BCKDHB: variants seen among roughly 807,000 people sequenced by gnomAD.
The protein encoded by BCKDHB is branched chain keto acid dehydrogenase E1 subunit beta, also known as 2-oxoisovalerate dehydrogenase subunit beta, mitochondrial.
BCKDHB carries 41 observed loss-of-function variants against 48.5 expected under a neutral mutation model. The ratio of observed to expected loss-of-function variants is 0.85; its 90% CI spans 0.66 to 1.10. The LOEUF is 1.10. Ranked by LOEUF, BCKDHB falls within the 50% of genes least tolerant of loss-of-function variation. The pLI is 0.00. For missense variants in BCKDHB, 496 were observed against 494.2 expected, an observed-to-expected ratio of 1.00 and a Z score of -0.03; for synonymous variants, 201 against 174.8, an observed-to-expected ratio of 1.15 and a Z score of -1.18.
intron 3 of BCKDHB, among the ~76,000 whole-genome samples, chr6:80,154,637 T>C (rs1334025481): frequency 1.3e-5 from 2 of 152,160 alleles, no homozygotes; most frequent in East Asian, 3.9e-4. Flanking sequence ...ATTTTAGGTA[T>C]CAAAATTATT....
the BCKDHB span, among the ~76,000 whole-genome samples, chr6:80,406,363 A>G: frequency 6.6e-6 from 1 of 152,220 alleles, no homozygotes; most frequent in East Asian, 1.9e-4. Flanking sequence ...GCCCTTGGGT[A>G]TATACCCAGT....
At chr6:80,422,364 G>T in the BCKDHB span, among the ~76,000 whole-genome samples, 1 of 152,200 alleles carries the variant, frequency 6.6e-6, no homozygotes, top group Non-Finnish European at 1.5e-5. Flanking sequence ...TCTGTTGCAG[G>T]AGTGGGGCCC....
the BCKDHB span, among the ~76,000 whole-genome samples, chr6:80,367,246 T>A: frequency 2.0e-5 from 3 of 152,234 alleles, no homozygotes; most frequent in South Asian, 6.2e-4. Flanking sequence ...ATTTGCTATT[T>A]AACATAATTC....
At chr6:80,254,021 A>G (rs1776946248) in intron 8 of BCKDHB, among the ~76,000 whole-genome samples, 1 of 151,958 alleles carries the variant, frequency 6.6e-6, no homozygotes, top group Admixed American at 6.6e-5. Context: ...CAAAATAACT[A>G]TCTAGAATGT....
Position 80,343,957 on chromosome 6 carries a change from C to CT in BCKDHB, c.*156dup. Reference sequence around the variant, plus strand: ...GCAACTTTCAGAAGAAAATAATGTGCTTTAGAAAAAAAATTCAAATTTATA... The same window carrying CT: ...GCAACTTTCAGAAGAAAATAATGTGCTTTTAGAAAAAAAATTCAAATTTATA... On this transcript the variant is annotated 3_prime_UTR_variant, in exon 10 of 10. Transcript: ENST00000320393. 1.0e-6 allele frequency: 1 copy of CT among 964,654 alleles called. No homozygotes were observed. Among genetic ancestry groups the CT allele is most frequent in the Non-Finnish European group, 1.6e-6 (1 of 627,976 alleles). 59.8% of individuals were successfully genotyped at this position (964,654 alleles called of 1,614,324 possible).
intron 4 of BCKDHB, 31 bp downstream of exon 4, chr6:80,167,842 A>G (rs1772655659): frequency 1.2e-6 from 2 of 1,605,892 alleles, no homozygotes; most frequent in South Asian, 1.1e-5. Flanking sequence ...AAGGTTGTTC[A>G]TTCATTGAAA....
At chr6:80,360,406 C>T in the BCKDHB span, among the ~76,000 whole-genome samples, 62,177 of 151,986 alleles carry the variant, frequency 0.41, 13,489 homozygotes, top group East Asian at 0.56. Flanking sequence ...TATTCATCAC[C>T]GTGCACAAGA....
At chr6:80,271,126 G>A (rs1029768869) in intron 8 of BCKDHB, among the ~76,000 whole-genome samples, 6 of 152,008 alleles carry the variant, frequency 3.9e-5, no homozygotes, top group African/African-American at 1.2e-4. Flanking sequence ...ATGTTGGCTC[G>A]ATGTACATGT....
At chr6:80,365,365 G>A in the BCKDHB span, among the ~76,000 whole-genome samples, 1,538 of 152,242 alleles carry the variant, frequency 0.01, 26 homozygotes, top group African/African-American at 0.034. Context: ...AGACCAGGGT[G>A]TAGCTCAGTC....
chr6:80,165,460 A>G (rs1298579349), intron 3 of BCKDHB, among the ~76,000 whole-genome samples: 4 of 152,172 alleles, frequency 2.6e-5, no homozygotes, highest in Non-Finnish European at 5.9e-5. Context: ...TTTCGTTCAT[A>G]TTCAAAGGAA....
intron 8 of BCKDHB, among the ~76,000 whole-genome samples, chr6:80,235,091 A>G (rs1368812775): frequency 6.6e-6 from 1 of 152,202 alleles, no homozygotes; most frequent in African/African-American, 2.4e-5. Context: ...TCTAGTGTCC[A>G]GTAACACAGT....
At chr6:80,171,813 G>A (rs895507106) in intron 6 of BCKDHB, among the ~76,000 whole-genome samples, 1 of 152,080 alleles carries the variant, frequency 6.6e-6, no homozygotes, top group African/African-American at 2.4e-5. Flanking sequence ...CAATTATGCT[G>A]TGCTGTCAGG....
At chr6:80,412,225 C>T in the BCKDHB span, among the ~76,000 whole-genome samples, 2 of 150,014 alleles carry the variant, frequency 1.3e-5, no homozygotes, top group African/African-American at 4.9e-5. Flanking sequence ...CTCACTGCAA[C>T]CTCTGCCTCT....
chr6:80,325,391 G>A (rs570645026), intron 9 of BCKDHB, among the ~76,000 whole-genome samples: 66 of 152,192 alleles, frequency 4.3e-4, no homozygotes, highest in African/African-American at 1.5e-3. Flanking sequence ...AAATGTAATT[G>A]CTAGGTATGT....
chr6:80,425,241 GA>G, the BCKDHB span, among the ~76,000 whole-genome samples: 4 of 151,900 alleles, frequency 2.6e-5, no homozygotes, highest in Admixed American at 6.6e-5. Context: ...CACAGTTTTG[GA>G]AAAAAAGACA....
At chr6:80,450,292 T>C in the BCKDHB span, among the ~76,000 whole-genome samples, 1 of 152,224 alleles carries the variant, frequency 6.6e-6, no homozygotes, top group African/African-American at 2.4e-5. Context: ...TTTAGTGATA[T>C]CCTGCTTTGA....
intron 9 of BCKDHB, among the ~76,000 whole-genome samples, chr6:80,303,507 A>G (rs1292346474): frequency 6.6e-6 from 1 of 152,026 alleles, no homozygotes; most frequent in East Asian, 1.9e-4. Flanking sequence ...CAACCTAAAC[A>G]TGGATGGACA....
chr6:80,225,190 T>C (rs527796093), intron 8 of BCKDHB, among the ~76,000 whole-genome samples: 1 of 152,326 alleles, frequency 6.6e-6, no homozygotes, highest in South Asian at 2.1e-4. Flanking sequence ...TTTTTGGACA[T>C]AGTCTTTATC....
chr6:80,182,069 T>TTTA lies in BCKDHB; in HGVS notation c.742+10681_742+10682insATT, dbSNP rs369244079. Among the ~76,000 whole-genome samples the TTTA allele has an allele frequency of 1.7e-3, 265 of 152,346 alleles. 1 individual carries two copies. The highest frequency in any genetic ancestry group is 6.0e-3 in the African/African-American group (251 of 41,596). ...ACAAGTCATGTTTGTTTATTTCATA[T>TTTA]TTCTTCTATGAAGTGGTCAAGTAGA... On this transcript the variant is annotated intron_variant, in intron 6 of 9. Transcript: ENST00000320393.
Sources: gnomAD v4.1 joint callset for allele counts (sites outside exome capture counted in the v4.1 genomes callset) on GRCh38, gnomAD v4.1.1 for gene constraint, MANE v1.5 for transcripts, NCBI Gene and HGNC (gene_info 2026-07-23, HGNC 2026-07-21) for gene names.